The following ME3 variants were observed in gnomAD, a reference collection of about 807,000 sequenced individuals.
The protein encoded by ME3 is NADP-dependent malic enzyme, mitochondrial.
Under a neutral mutation model 68.9 loss-of-function variants are expected in ME3, and 48 were observed. The observed-to-expected ratio is 0.70, with a 90% CI of 0.55 to 0.89. The LOEUF is 0.89. ME3 is among the 40% of genes least tolerant of loss of function. The pLI is 0.00. For missense variants in ME3, 675 were observed against 797.4 expected (o/e 0.85, Z 1.85); for synonymous variants, 320 against 318.8 (o/e 1.00, Z -0.04).
rs1330103600 is a variant in ME3, at chr11:86,447,211, C to G, written c.1238-4G>C. 1 of 1,613,702 alleles carries G rather than the reference C, an allele frequency of 6.2e-7. No homozygotes were observed. The highest frequency in any genetic ancestry group is 1.3e-5 in the African/African-American group (1 of 75,030). The stretch of plus-strand genomic sequence containing the variant: ...GCTCCTGCGATGGCAGCAACACCTA[C>G]AGGGAAAAGGCGGGTAGTGGGGATG... On this transcript the variant is annotated splice_region_variant and splice_polypyrimidine_tract_variant and intron_variant, in intron 11 of 14. Coordinates refer to ENST00000543262, the Ensembl canonical transcript of ME3.
intron 4 of ME3, among the ~76,000 whole-genome samples, chr11:86,532,880 CA>C (rs1203277157): frequency 6.6e-6 from 1 of 152,054 alleles, no homozygotes; most frequent in African/African-American, 2.4e-5. Context: ...GCCAACATGG[CA>C]AAACCCCGTC....
At chr11:86,548,592 A>C (rs749710673) in intron 4 of ME3, among the ~76,000 whole-genome samples, 1 of 152,198 alleles carries the variant, frequency 6.6e-6, no homozygotes, top group Non-Finnish European at 1.5e-5. Flanking sequence ...CAGAAAATGA[A>C]AAGTATGTGT....
chr11:86,456,441 A>G (rs1949930552), intron 8 of ME3, among the ~76,000 whole-genome samples: 1 of 152,158 alleles, frequency 6.6e-6, no homozygotes, highest in Admixed American at 6.5e-5. Context: ...ATTGGAGATC[A>G]TGGCATTTAA....
At chr11:86,514,997 C>T (rs2139140867) in intron 4 of ME3, among the ~76,000 whole-genome samples, 1 of 152,180 alleles carries the variant, frequency 6.6e-6, no homozygotes, top group Admixed American at 6.5e-5. Flanking sequence ...CTAGAATCAT[C>T]CATTTTAGTA....
chr11:86,645,958 G>A (rs979413998), intron 2 of ME3, among the ~76,000 whole-genome samples: 2 of 152,152 alleles, frequency 1.3e-5, no homozygotes, highest in Non-Finnish European at 2.9e-5. Flanking sequence ...GCAGAAGAGC[G>A]ACCTGACTGT....
rs1565947144 is a variant in ME3 at position 86,556,536 on chromosome 11, ACTC to A, written c.467+14_467+16del. 9.3e-6 allele frequency: 15 copies of A among 1,607,778 alleles called. No individual in the cohort carries two copies. Among genetic ancestry groups the A allele is most frequent in the Non-Finnish European group, 1.3e-5 (15 of 1,176,834 alleles). On this transcript the variant is annotated intron_variant, in intron 4 of 14. Transcript: ENST00000543262. ...TGAGGCAGCCCCTCCCAGAGCCCTC[ACTC>A]CACGGGGGCTCACCGGGGCCTGCGG...
At chr11:86,612,881 T>A (rs1353987018) in intron 2 of ME3, among the ~76,000 whole-genome samples, 3 of 152,238 alleles carry the variant, frequency 2.0e-5, no homozygotes, top group African/African-American at 7.2e-5. Flanking sequence ...CTGATGCTAG[T>A]TTCTTTTGCT....
intron 4 of ME3, among the ~76,000 whole-genome samples, chr11:86,511,306 C>T (rs1265750926): frequency 1.3e-5 from 2 of 152,246 alleles, no homozygotes; most frequent in African/African-American, 4.8e-5. Context: ...TTGTCTGGGT[C>T]TTGCCAACTT....
chr11:86,671,337 C>CCATTTTCTACCCG (rs1238319027), intron 2 of ME3, among the ~76,000 whole-genome samples: 5 of 152,174 alleles, frequency 3.3e-5, no homozygotes, highest in African/African-American at 1.2e-4. Context: ...TAACGTACCC[C>CCATTTTCTACCCG]CATTTTCTAC....
chr11:86,592,383 A>G (rs976487628), intron 2 of ME3, among the ~76,000 whole-genome samples: 1 of 152,210 alleles, frequency 6.6e-6, no homozygotes, highest in African/African-American at 2.4e-5. Flanking sequence ...AACTCAAATG[A>G]CTATTGAGCT....
At chr11:86,642,818 T>A (rs1944752530) in intron 2 of ME3, among the ~76,000 whole-genome samples, 1 of 152,172 alleles carries the variant, frequency 6.6e-6, no homozygotes, top group Non-Finnish European at 1.5e-5. Context: ...TTATTAATAG[T>A]TAATTTATTT....
intron 2 of ME3, among the ~76,000 whole-genome samples, chr11:86,601,312 A>T (rs887477330): frequency 6.6e-6 from 1 of 152,236 alleles, no homozygotes; most frequent in Admixed American, 6.5e-5. Context: ...CCATCAGAGG[A>T]TACTACAAAC....
intron 2 of ME3, among the ~76,000 whole-genome samples, chr11:86,625,917 A>G (rs1216033427): frequency 6.6e-6 from 1 of 152,194 alleles, no homozygotes; most frequent in East Asian, 1.9e-4. Context: ...ATATGAGTAT[A>G]TACCTCCACA....
At chr11:86,546,545 A>G (rs973677106) in intron 4 of ME3, among the ~76,000 whole-genome samples, 2 of 152,168 alleles carry the variant, frequency 1.3e-5, no homozygotes, top group African/African-American at 4.8e-5. Flanking sequence ...CATTAATGCC[A>G]CCAACAAAAA....
At chr11:86,655,009 A>G (rs1334326736) in intron 2 of ME3, among the ~76,000 whole-genome samples, 5 of 152,352 alleles carry the variant, frequency 3.3e-5, no homozygotes, top group African/African-American at 1.2e-4. Flanking sequence ...TGCTTCAAAG[A>G]GAATAAAATA....
chr11:86,557,839 C>T (rs1957010439), intron 3 of ME3, among the ~76,000 whole-genome samples: 2 of 152,134 alleles, frequency 1.3e-5, no homozygotes, highest in South Asian at 2.1e-4. Context: ...AATCAGCCAT[C>T]GTACAAGTAT....
Position 86,549,636 on chromosome 11 carries a change from C to G in ME3, c.467+6917G>C, listed in dbSNP as rs146829970. 1.6e-3 allele frequency among the ~76,000 whole-genome samples: 243 copies of G among 152,326 alleles called. 1 individual carries two copies. Among genetic ancestry groups the G allele is most frequent in the African/African-American group, 5.6e-3 (232 of 41,564 alleles). On this transcript the variant is annotated intron_variant, in intron 4 of 14. Coordinates refer to ENST00000543262, the Ensembl canonical transcript of ME3. Reference sequence around the variant, plus strand: ...CCTTGAGCCTGATGTTTGCTCCTATCTAATCTATTATTGACATCACATGAG... The same window carrying G: ...CCTTGAGCCTGATGTTTGCTCCTATGTAATCTATTATTGACATCACATGAG...
intron 2 of ME3, among the ~76,000 whole-genome samples, chr11:86,560,322 G>T (rs1159004674): frequency 1.3e-5 from 2 of 152,084 alleles, no homozygotes; most frequent in African/African-American, 4.8e-5. Flanking sequence ...CTGTCCTGCT[G>T]CCATGTAAGA....
At chr11:86,558,716 T>A (rs1296723047) in intron 3 of ME3, among the ~76,000 whole-genome samples, 1 of 152,140 alleles carries the variant, frequency 6.6e-6, no homozygotes, top group African/African-American at 2.4e-5. Flanking sequence ...CTAGAGCCAA[T>A]AACAAGGTGA....
Sources: gnomAD v4.1 joint callset for allele counts (sites outside exome capture counted in the v4.1 genomes callset) on GRCh38, gnomAD v4.1.1 for gene constraint, MANE v1.5 for transcripts, NCBI Gene and HGNC (gene_info 2026-07-23, HGNC 2026-07-21) for gene names.